The following CCDC180 variants were observed in gnomAD, a reference collection of about 807,000 sequenced individuals.
CCDC180 encodes coiled-coil domain-containing protein 180.
A neutral mutation model predicts 209.2 loss-of-function variants in CCDC180; 154 were observed. The observed-to-expected ratio is 0.74, with a 90% confidence interval of 0.65 to 0.84. CCDC180 has a LOEUF of 0.84. CCDC180 is among the 40% of genes least tolerant of loss of function. The probability of loss-of-function intolerance (pLI) is 0.00; values close to 1 mark genes in which losing one functional copy is unlikely to be tolerated. For missense variants in CCDC180, 1,874 were observed against 1,997.3 expected (o/e 0.94, Z 1.18); for synonymous variants, 778 against 749.1 (o/e 1.04, Z -0.63).
Position 97,323,822 on chromosome 9 carries a change from A to G in CCDC180, c.1290A>G (p.Ala430=). The part of the protein sequence containing the change: ...LDWKAFTEEE[A]ETLVNQFFFQ... Reference sequence around the variant, plus strand: ...GGAAAGCCTTCACTGAGGAGGAGGCAGAGACCCTGGTGAACCAGTTCTTCT... The same window carrying G: ...GGAAAGCCTTCACTGAGGAGGAGGCGGAGACCCTGGTGAACCAGTTCTTCT... Residue 430 remains alanine, a synonymous_variant, in exon 13 of 37, where the codon GCA becomes GCG. Transcript: ENST00000529487. 6.4e-7 allele frequency: 1 copy of G among 1,557,546 alleles called. No homozygotes were observed. The highest frequency in any genetic ancestry group is 8.7e-7 in the Non-Finnish European group (1 of 1,149,936).
chr9:97,362,488 C>G (rs761885248), intron 28 of CCDC180, 47 bp downstream of exon 28: 52 of 1,589,330 alleles, frequency 3.3e-5, no homozygotes, highest in Middle Eastern at 1.9e-4. Flanking sequence ...TCCATCCCCC[C>G]ACACAAAGGC....
intron 5 of CCDC180, 80 bp from the exon 6 acceptor site, chr9:97,314,313 C>T (rs959347957): frequency 2.2e-5 from 33 of 1,532,282 alleles, no homozygotes; most frequent in Middle Eastern, 1.7e-4. Flanking sequence ...CCATGCCTGG[C>T]ACTTCCCCCA....
At chr9:97,332,899 A>G (rs1173413482) in intron 18 of CCDC180, among the ~76,000 whole-genome samples, 1 of 152,134 alleles carries the variant, frequency 6.6e-6, no homozygotes, top group Non-Finnish European at 1.5e-5. Flanking sequence ...AGGGCTTCCA[A>G]TACTAGTTGA....
In CCDC180 at chr9:97,359,976, C is replaced by A; in HGVS notation, c.3364-6C>A. The A allele has an allele frequency of 6.2e-7, 1 of 1,613,590 alleles. No individual in the cohort carries two copies. The highest frequency in any genetic ancestry group is 1.1e-5 in the South Asian group (1 of 90,964). On this transcript the variant is annotated splice_region_variant and splice_polypyrimidine_tract_variant and intron_variant, in intron 25 of 36. Transcript: ENST00000529487. Reference sequence around the variant, plus strand: ...TTGGGGCTTTCTTCCTCCCTTTTCTCACCAGACAGTGACCACAGAAGAACT... The same window carrying A: ...TTGGGGCTTTCTTCCTCCCTTTTCTAACCAGACAGTGACCACAGAAGAACT...
At chr9:97,337,335 T>C (rs1357754739) in intron 18 of CCDC180, among the ~76,000 whole-genome samples, 3 of 152,220 alleles carry the variant, frequency 2.0e-5, no homozygotes, top group Non-Finnish European at 4.4e-5. Context: ...TGAGATATGT[T>C]CCATCAATAC....
intron 15 of CCDC180, among the ~76,000 whole-genome samples, chr9:97,327,174 C>CA (rs374767420): frequency 6.7e-6 from 1 of 150,210 alleles, no homozygotes. Flanking sequence ...GTCTCAAAAA[C>CA]AAAAAAAAAT....
Position 97,364,060 on chromosome 9 carries a change from G to A in CCDC180, c.3912G>A (p.Pro1304=), listed in dbSNP as rs891195030. The change falls in exon 29 of 37, where the codon CCG becomes CCA. Residue 1304 remains proline (P), a synonymous_variant. Transcript: ENST00000529487. ...CACCTTTGTCCCACAGCTTCACACC[G>A]CACCCCAAGCCCAACAAAATGGAGA... is the stretch of plus-strand genomic sequence containing the variant. ...ASATSAGSFT[P]HPKPNKMERK... The A allele has an allele frequency of 1.1e-5, 17 of 1,613,960 alleles. No homozygotes were observed. Among genetic ancestry groups the A allele is most frequent in the South Asian group, 3.3e-5 (3 of 91,034 alleles).
chr9:97,361,190 A>G (rs192040689), intron 26 of CCDC180, among the ~76,000 whole-genome samples: 2 of 152,322 alleles, frequency 1.3e-5, no homozygotes, highest in East Asian at 1.9e-4. Context: ...ATGGGCGCCA[A>G]TTCCACACTT....
At chr9:97,325,703 A>C (rs1320219235) in intron 14 of CCDC180, among the ~76,000 whole-genome samples, 1 of 152,214 alleles carries the variant, frequency 6.6e-6, no homozygotes, top group African/African-American at 2.4e-5. Flanking sequence ...GCAAGCGAAC[A>C]CAGTGGACAT....
intron 5 of CCDC180, among the ~76,000 whole-genome samples, chr9:97,313,787 A>G (rs1464050667): frequency 6.6e-6 from 1 of 152,120 alleles, no homozygotes; most frequent in Non-Finnish European, 1.5e-5. Context: ...TCCTCTCCAG[A>G]GACCTCATCT....
At chr9:97,328,358 C>A (rs1372540381) in intron 16 of CCDC180, among the ~76,000 whole-genome samples, 2 of 152,132 alleles carry the variant, frequency 1.3e-5, no homozygotes, top group Non-Finnish European at 2.9e-5. Context: ...AGGGCTCAAG[C>A]CTGAATGGAC....
At chr9:97,317,277 C>A in intron 9 of CCDC180, 49 bp downstream of exon 9, 2 of 1,460,666 alleles carry the variant, frequency 1.4e-6, no homozygotes, top group Non-Finnish European at 1.8e-6. Flanking sequence ...GGGGGGCTGG[C>A]AAAGGGTAGG....
Position 97,330,558 on chromosome 9 carries a change from T to A in CCDC180, c.2065T>A (p.Ser689Thr), listed in dbSNP as rs1056117169. Reference sequence around the variant, plus strand: ...TAAGATGGATGAGTCCAAAGAAGGCTCTATTCAGGGACTGGAAGAAATGCA... The same window carrying A: ...TAAGATGGATGAGTCCAAAGAAGGCACTATTCAGGGACTGGAAGAAATGCA... ...HAKMDESKEG[S>T]IQGLEEMQVE... The change falls in exon 18 of 37, where the codon TCT (serine) becomes ACT (threonine). Residue 689 changes from serine to threonine, a missense_variant. By Grantham distance (58) the Ser-to-Thr change is moderately conservative. Coordinates refer to ENST00000529487, the MANE Select transcript of CCDC180 (RefSeq NM_020893.6). 7.4e-6 allele frequency: 12 copies of A among 1,614,058 alleles called. No individual in the cohort carries two copies. The highest frequency in any genetic ancestry group is 1.1e-5 in the South Asian group (1 of 91,076).
rs372783707 is a variant in CCDC180, at chr9:97,313,303, C to T, written c.417C>T (p.Ser139=). 1.6e-5 allele frequency: 26 copies of T among 1,612,288 alleles called. No individual in the cohort carries two copies. In the African/African-American group the frequency reaches 1.7e-4, roughly 11 times the overall value. The change falls in exon 5 of 37, where the codon AGC becomes AGT. Residue 139 remains serine, a synonymous_variant. Coordinates refer to ENST00000529487, the MANE Select transcript of CCDC180 (RefSeq NM_020893.6). ...AACACAAGAGGAAGAGCTACGAGAG[C>T]GCTCTGGCCAGCTTTCAGGAGGAGA... ...QAEHKRKSYE[S]ALASFQEEIA... is the part of the protein sequence containing the mutation.
intron 31 of CCDC180, among the ~76,000 whole-genome samples, chr9:97,367,343 G>T (rs1826951321): frequency 6.6e-6 from 1 of 152,102 alleles, no homozygotes; most frequent in Admixed American, 6.6e-5. Context: ...TGTTTCAGAG[G>T]CCCTCTGGGT....
rs73561895 is a variant in CCDC180 at position 97,349,169 on chromosome 9, G to A, written c.2733G>A (p.Thr911=). Residue 911 remains threonine, a synonymous_variant, in exon 21 of 37, where the codon ACG becomes ACA. Transcript: ENST00000529487. The stretch of plus-strand genomic sequence containing the variant: ...GCCACTGTGCTGGGGTGACCGAGAC[G>A]CTGAAGAAGAAGCGGCTGATGTTCT... ...LDSHCAGVTE[T]LKKKRLMFCQ... is the part of the protein sequence containing the mutation. The A allele has an allele frequency of 1.9e-3, 2,935 of 1,536,334 alleles. 39 individuals carry two copies. The African/African-American group carries it at 0.034, about 18-fold the overall frequency.
chr9:97,378,375 A>G lies in CCDC180; in HGVS notation c.*1481A>G, dbSNP rs1357926623. The G allele has an allele frequency of 6.6e-6, 1 of 152,222 alleles. No individual in the cohort carries two copies. Among genetic ancestry groups the G allele is most frequent in the Non-Finnish European group, 1.5e-5 (1 of 68,044 alleles). The allele number at this position is 152,222 out of a possible 1,614,324, so 9.4% of individuals were successfully genotyped here. On this transcript the variant is annotated 3_prime_UTR_variant, in exon 37 of 37. Transcript: ENST00000529487. ...GCCATATCCTTCAGTATTCATTTACATCATTGGTTTTCATACTTTTCTGAC... is the reference window on the plus strand; with the variant it reads ...GCCATATCCTTCAGTATTCATTTACGTCATTGGTTTTCATACTTTTCTGAC...
At chr9:97,326,952 T>G (rs1180959469) in intron 15 of CCDC180, among the ~76,000 whole-genome samples, 2 of 152,200 alleles carry the variant, frequency 1.3e-5, no homozygotes, top group African/African-American at 4.8e-5. Flanking sequence ...ATGGATCACC[T>G]GAGGACAGGA....
chr9:97,313,382 T>C, intron 5 of CCDC180, 37 bp downstream of exon 5: 1 of 1,481,754 alleles, frequency 6.7e-7, no homozygotes, highest in Non-Finnish European at 9.4e-7. Context: ...TCCCTTCCTG[T>C]GCCATTCCAA....
Sources: gnomAD v4.1 joint callset for allele counts (sites outside exome capture counted in the v4.1 genomes callset) on GRCh38, gnomAD v4.1.1 for gene constraint, MANE v1.5 for transcripts, NCBI Gene and HGNC (gene_info 2026-07-23, HGNC 2026-07-21) for gene names.